Variants in UGGT2 observed in about 807,000 individuals in gnomAD.
The protein encoded by UGGT2 is UDP-glucose glycoprotein glucosyltransferase 2.
In UGGT2, 180 loss-of-function variants were observed where a neutral mutation model predicts 192.1. That is an observed-to-expected ratio of 0.94 (90% CI 0.83 to 1.06). UGGT2 has a LOEUF of 1.06. Among genes scored for constraint, UGGT2 ranks in the 50% least tolerant of loss-of-function variants. The probability of loss-of-function intolerance (pLI) is 0.00; values close to 1 mark genes in which losing one functional copy is unlikely to be tolerated. For missense variants in UGGT2, 1,849 were observed against 1,795.7 expected, an observed-to-expected ratio of 1.03 and a Z score of -0.54; for synonymous variants, 580 against 591.0, an observed-to-expected ratio of 0.98 and a Z score of 0.27.
chr13:95,927,629 T>TTTTG (rs370414668), intron 17 of UGGT2, among the ~76,000 whole-genome samples: 13 of 152,144 alleles, frequency 8.5e-5, no homozygotes, highest in African/African-American at 2.4e-4. Context: ...CACTGAATTT[T>TTTTG]TTTGTTTGTT....
rs755958027 is a variant in UGGT2 at position 96,013,454 on chromosome 13, A to T, written c.513T>A (p.Asp171Glu). Residue 171 changes from aspartate to glutamate, a missense_variant, in exon 5 of 39, where the codon GAT (aspartate) becomes GAA (glutamate). Transcript: ENST00000376747. ...SRTRPYLFKG[D>E]HKFPTNKENL... is the part of the protein sequence containing the mutation. The stretch of plus-strand genomic sequence containing the variant: ...TCTCTTTGTTTGTAGGAAATTTGTG[A>T]TCTCCTTTAAATAGATAAGGTCTAG... 1 of 1,598,712 alleles carries T rather than the reference A, an allele frequency of 6.3e-7. No homozygotes were observed. The highest frequency in any genetic ancestry group is 1.8e-5 in the Admixed American group (1 of 55,560).
intron 20 of UGGT2, among the ~76,000 whole-genome samples, chr13:95,905,618 G>A (rs562739836): frequency 1.1e-4 from 16 of 151,952 alleles, no homozygotes; most frequent in East Asian, 3.9e-4. Context: ...GATATGCGGC[G>A]TTATTTCTGA....
intron 30 of UGGT2, among the ~76,000 whole-genome samples, chr13:95,864,051 T>C (rs1164477402): frequency 6.6e-6 from 1 of 152,182 alleles, no homozygotes; most frequent in East Asian, 1.9e-4. Flanking sequence ...GACAGATGAA[T>C]AGCTCACTTA....
At chr13:95,982,976 C>G (rs534966624) in intron 10 of UGGT2, among the ~76,000 whole-genome samples, 22 of 152,310 alleles carry the variant, frequency 1.4e-4, no homozygotes, top group Non-Finnish European at 3.1e-4. Context: ...TGACAGCTCA[C>G]TCTGTCTCAG....
chr13:95,999,567 T>C (rs2051732907), intron 5 of UGGT2, among the ~76,000 whole-genome samples: 2 of 152,208 alleles, frequency 1.3e-5, no homozygotes, highest in South Asian at 2.1e-4. Context: ...AAATAATAAA[T>C]ATCTGATCTT....
At position 95,869,330 on chromosome 13, in the gene UGGT2, T is replaced by C. The variant is rs148744080; in HGVS notation, c.3474-1907A>G. ...GGTTCCAAGTCTTCGCTATTGTGAA[T>C]AGTGCCGCAATAAACATACGTGTGC... On this transcript the variant is annotated intron_variant, in intron 29 of 38. Transcript: ENST00000376747. 4.8e-3 allele frequency among the ~76,000 whole-genome samples: 726 copies of C among 152,288 alleles called. 5 individuals are homozygous for C. The highest frequency in any genetic ancestry group is 0.016 in the African/African-American group (685 of 41,558).
chr13:95,972,504 G>C (rs2140794537), intron 11 of UGGT2, 76 bp downstream of exon 11: 1 of 1,258,064 alleles, frequency 7.9e-7, no homozygotes, highest in Middle Eastern at 2.6e-4. Flanking sequence ...TTCATATTTT[G>C]ACTTACACTA....
intron 27 of UGGT2, among the ~76,000 whole-genome samples, chr13:95,881,672 G>A (rs2047500101): frequency 6.6e-6 from 1 of 152,140 alleles, no homozygotes; most frequent in Non-Finnish European, 1.5e-5. Flanking sequence ...CTTTAACAGA[G>A]CCACATCCTA....
chr13:95,930,032 A>C (rs1412895295), intron 17 of UGGT2, among the ~76,000 whole-genome samples: 1 of 152,218 alleles, frequency 6.6e-6, no homozygotes, highest in Non-Finnish European at 1.5e-5. Flanking sequence ...TCTAAGGATT[A>C]GTAGTGTTGA....
At chr13:95,804,241 A>C (rs1188948243) in intron 38 of UGGT2, among the ~76,000 whole-genome samples, 1 of 152,222 alleles carries the variant, frequency 6.6e-6, no homozygotes, top group Non-Finnish European at 1.5e-5. Flanking sequence ...AATTAGGAAT[A>C]AACCTAATCT....
chr13:95,978,134 AC>A lies in UGGT2; in HGVS notation c.1093-5464del, dbSNP rs1267249684. On this transcript the variant is annotated intron_variant, in intron 10 of 38. Coordinates refer to ENST00000376747, the MANE Select transcript of UGGT2 (RefSeq NM_020121.4). ...CAGCAAACCACCATGGCACAAGTGT[AC>A]CTACGTAACAAACCCGCATGTTCTG... Among the ~76,000 whole-genome samples, 9 of 152,182 alleles carry A rather than the reference AC, an allele frequency of 5.9e-5. No homozygotes were observed. The East Asian group carries it at 1.7e-3, about 29-fold the overall frequency.
chr13:95,963,124 T>A (rs61152555), intron 12 of UGGT2, among the ~76,000 whole-genome samples: 8,239 of 151,988 alleles, frequency 0.054, 358 homozygotes, highest in East Asian at 0.16. Flanking sequence ...CCAAACCATA[T>A]CACTGATGAA....
chr13:96,049,887 G>T (rs1342596190), intron 1 of UGGT2, among the ~76,000 whole-genome samples: 1 of 152,156 alleles, frequency 6.6e-6, no homozygotes, highest in Non-Finnish European at 1.5e-5. Flanking sequence ...TCAGTATCGT[G>T]AAAACGGCCA....
intron 31 of UGGT2, 30 bp from the exon 32 acceptor site, chr13:95,860,913 T>A: frequency 7.2e-7 from 1 of 1,392,690 alleles, no homozygotes; most frequent in South Asian, 1.4e-5. Context: ...TGACATTTCT[T>A]AAACATACAT....
intron 33 of UGGT2, chr13:95,856,721 A>G (rs924944557): frequency 2.7e-6 from 1 of 372,288 alleles, no homozygotes; most frequent in African/African-American, 2.2e-5. Flanking sequence ...ATATGTCAAC[A>G]GGTTGGTTGG....
intron 20 of UGGT2, among the ~76,000 whole-genome samples, chr13:95,917,202 C>T (rs995024786): frequency 1.2e-4 from 18 of 152,196 alleles, no homozygotes; most frequent in African/African-American, 4.3e-4. Flanking sequence ...GCAGACCTCT[C>T]AGCTGAAACC....
chr13:95,926,057 A>T (rs568651863), intron 19 of UGGT2, among the ~76,000 whole-genome samples: 1 of 152,126 alleles, frequency 6.6e-6, no homozygotes. Context: ...ATAAGCTTAT[A>T]TAAAACTCCC....
At chr13:96,008,274 T>C (rs1017394770) in intron 5 of UGGT2, among the ~76,000 whole-genome samples, 20 of 152,126 alleles carry the variant, frequency 1.3e-4, no homozygotes, top group Non-Finnish European at 2.9e-5. Flanking sequence ...GAGAAAATAT[T>C]TGACAAATAC....
At chr13:95,851,340 A>AG (rs1889008152) in intron 36 of UGGT2, among the ~76,000 whole-genome samples, 1 of 152,232 alleles carries the variant, frequency 6.6e-6, no homozygotes, top group Admixed American at 6.5e-5. Context: ...GCTAAGAGAC[A>AG]GAGATAAGAT....
Sources: gnomAD v4.1 joint callset for allele counts (sites outside exome capture counted in the v4.1 genomes callset) on GRCh38, gnomAD v4.1.1 for gene constraint, MANE v1.5 for transcripts, NCBI Gene and HGNC (gene_info 2026-07-23, HGNC 2026-07-21) for gene names.